SLC15A5: variants seen among roughly 807,000 people sequenced by gnomAD.
SLC15A5 encodes solute carrier family 15 member 5, also known as Peptide/histidine transporter ENSP00000340402.
A neutral mutation model predicts 56.1 loss-of-function variants in SLC15A5; 58 were observed. The observed-to-expected ratio is 1.03, with a 90% CI of 0.84 to 1.29. SLC15A5 has a LOEUF of 1.29. Among genes scored for constraint, SLC15A5 ranks in the 50% most tolerant of loss-of-function variants. The probability of loss-of-function intolerance (pLI) is 0.00; values close to 1 mark genes in which losing one functional copy is unlikely to be tolerated. For synonymous variants in SLC15A5, 264 were observed against 250.5 expected, an observed-to-expected ratio of 1.05 and a Z score of -0.51; for missense variants, 681 against 672.1, an observed-to-expected ratio of 1.01 and a Z score of -0.15.
intron 8 of SLC15A5, 75 bp from the exon 9 acceptor site, chr12:16,189,890 C>T (rs916406792): frequency 2.2e-5 from 25 of 1,144,640 alleles, no homozygotes; most frequent in Admixed American, 2.1e-4. Flanking sequence ...TTCCCTCCTG[C>T]GCTTGTCTAC....
chr12:16,219,581 C>T (rs1470912189), intron 6 of SLC15A5, among the ~76,000 whole-genome samples: 1 of 152,122 alleles, frequency 6.6e-6, no homozygotes, highest in Non-Finnish European at 1.5e-5. Flanking sequence ...AATTCATGAA[C>T]ACACTTTGCC....
In SLC15A5 at chr12:16,235,707, A is replaced by G. The variant is rs1591650853; in HGVS notation, c.1162+3974T>C. Among the ~76,000 whole-genome samples the G allele has an allele frequency of 6.6e-6, 1 of 152,142 alleles. No individual in the cohort carries two copies. The highest frequency in any genetic ancestry group is 2.1e-4 in the South Asian group (1 of 4,830). On this transcript the variant is annotated intron_variant, in intron 5 of 8. Coordinates refer to ENST00000344941, the MANE Select transcript of SLC15A5 (RefSeq NM_001170798.1). This position sits in a 1 kb window ranked among gnomAD's most constrained non-coding sequence, Gnocchi z 4.1. ...AAGTATTTTACAATGGGTACATACC[A>G]TGATGTTTCTTGGGAAAATATATCA...
chr12:16,257,798 G>C lies in SLC15A5; in HGVS notation c.657C>G (p.Ala219=). Residue 219 remains alanine, a synonymous_variant, in exon 3 of 9, where the codon GCC becomes GCG. Transcript: ENST00000344941. ...AAGGAATAAGTAAAACAAGGGCCCA[G>C]GCCTGTGAGTGCTGGATGTAAGATA... ...LGISYIQHSQ[A]WALVLLIPFM... 1 of 1,530,218 alleles carries C rather than the reference G, an allele frequency of 6.5e-7. No individual in the cohort carries two copies. Among genetic ancestry groups the C allele is most frequent in the Non-Finnish European group, 8.7e-7 (1 of 1,144,352 alleles). The allele number at this position is 1,530,218 out of a possible 1,614,324, so 94.8% of individuals were successfully genotyped here.
chr12:16,199,289 A>T (rs1434850180), intron 7 of SLC15A5, among the ~76,000 whole-genome samples: 9 of 126,046 alleles, frequency 7.1e-5, no homozygotes. Context: ...TGTCAGTCTC[A>T]TGTGTAGACT....
intron 6 of SLC15A5, among the ~76,000 whole-genome samples, chr12:16,223,849 TG>T (rs1864212703): frequency 6.6e-6 from 1 of 151,910 alleles, no homozygotes; most frequent in Non-Finnish European, 1.5e-5. Flanking sequence ...CTTGAGTAGC[TG>T]GGACTACAGG....
At chr12:16,268,574 A>C (rs985019435) in intron 2 of SLC15A5, among the ~76,000 whole-genome samples, 5 of 152,204 alleles carry the variant, frequency 3.3e-5, no homozygotes, top group African/African-American at 1.2e-4. Context: ...TTACGATTGA[A>C]GAGTATATGT....
intron 7 of SLC15A5, among the ~76,000 whole-genome samples, chr12:16,215,202 C>CA (rs33944569): frequency 0.085 from 1,022 of 12,002 alleles, 131 homozygotes; most frequent in Admixed American, 0.14. Context: ...GACTCTTTCT[C>CA]AAAAAAAAAA....
intron 5 of SLC15A5, among the ~76,000 whole-genome samples, chr12:16,232,892 A>T (rs965136192): frequency 1.3e-5 from 2 of 150,192 alleles, no homozygotes; most frequent in African/African-American, 4.9e-5. Context: ...CTTTAGCCTG[A>T]GCTACAGAGC....
At position 16,237,264 on chromosome 12, in the gene SLC15A5, A is replaced by T. The variant is rs1437449620; in HGVS notation, c.1162+2417T>A. Among the ~76,000 whole-genome samples, 2 of 152,328 alleles carry T rather than the reference A, an allele frequency of 1.3e-5. No homozygotes were observed. The highest frequency in any genetic ancestry group is 3.4e-3 in the Middle Eastern group (1 of 294). ...TCATAACCAGAATATGGAAAACTTA[A>T]GCAAATATCTAGTTTAAAAGACGCA... On this transcript the variant is annotated intron_variant, in intron 5 of 8. Transcript: ENST00000344941. This position sits in a 1 kb window ranked among gnomAD's most constrained non-coding sequence, Gnocchi z 4.1.
intron 7 of SLC15A5, among the ~76,000 whole-genome samples, chr12:16,204,063 A>G (rs1286005816): frequency 6.6e-6 from 1 of 152,226 alleles, no homozygotes; most frequent in African/African-American, 2.4e-5. Context: ...TATTAAATTT[A>G]AAAAGTATGT....
In SLC15A5 at chr12:16,189,936, T is replaced by C. The variant is rs940380838; in HGVS notation, c.1593-121A>G. 1.5e-5 allele frequency: 11 copies of C among 715,288 alleles called. No homozygotes were observed. In the East Asian group the frequency reaches 2.6e-4, roughly 17 times the overall value. The allele number at this position is 715,288 out of a possible 1,614,324, so 44.3% of individuals were successfully genotyped here. ...GGGCTCATAGATACTGGCACAACAG[T>C]GACGATTATTTAAGAGCACTGCTCA... On this transcript the variant is annotated intron_variant, in intron 8 of 8. Transcript: ENST00000344941.
intron 3 of SLC15A5, among the ~76,000 whole-genome samples, chr12:16,256,776 G>A (rs993326338): frequency 6.6e-6 from 1 of 151,782 alleles, no homozygotes; most frequent in Non-Finnish European, 1.5e-5. Context: ...GGTGAATGGC[G>A]TGAACCTGGG....
At chr12:16,253,775 A>C (rs1374218562) in intron 3 of SLC15A5, among the ~76,000 whole-genome samples, 1 of 152,112 alleles carries the variant, frequency 6.6e-6, no homozygotes. Context: ...GATCAGAAAA[A>C]TACTGCGTTG....
chr12:16,229,048 T>A (rs1415204919), intron 5 of SLC15A5, among the ~76,000 whole-genome samples: 1 of 152,196 alleles, frequency 6.6e-6, no homozygotes, highest in Non-Finnish European at 1.5e-5. Context: ...CATTCTCATT[T>A]TTAACTCAGA....
chr12:16,197,359 A>C (rs1363878598), intron 7 of SLC15A5, among the ~76,000 whole-genome samples: 1 of 152,116 alleles, frequency 6.6e-6, no homozygotes, highest in Non-Finnish European at 1.5e-5. Flanking sequence ...TCTTCAGGAC[A>C]CCTAAAGTTT....
intron 4 of SLC15A5, among the ~76,000 whole-genome samples, chr12:16,242,759 G>T (rs1864424838): frequency 6.6e-6 from 1 of 152,186 alleles, no homozygotes; most frequent in South Asian, 2.1e-4. Context: ...AGAAATGTCA[G>T]GTGTCATTGC....
rs973201186 is a variant in SLC15A5 at position 16,230,779 on chromosome 12, C to T, written c.1163-6177G>A. On this transcript the variant is annotated intron_variant, in intron 5 of 8. Transcript: ENST00000344941. ...ATACAAAAAAAAAAAAAAAAATAGC[C>T]GGGCGTGGTGGTGGGCACCTGTAGT... Among the ~76,000 whole-genome samples, 219 of 147,968 alleles carry T rather than the reference C, an allele frequency of 1.5e-3. 1 individual carries two copies. The highest frequency in any genetic ancestry group is 5.1e-3 in the African/African-American group (205 of 40,236).
chr12:16,275,333 G>C (rs570088598), intron 1 of SLC15A5, among the ~76,000 whole-genome samples: 1 of 152,192 alleles, frequency 6.6e-6, no homozygotes, highest in East Asian at 1.9e-4. Context: ...GGTTGGGGTT[G>C]CGTGTTGAAC....
intron 7 of SLC15A5, among the ~76,000 whole-genome samples, chr12:16,209,973 A>C (rs1864062868): frequency 6.6e-6 from 1 of 152,158 alleles, no homozygotes; most frequent in South Asian, 2.1e-4. Flanking sequence ...ATTCAAGTAA[A>C]AGTAAAATCC....
Sources: gnomAD v4.1 joint callset for allele counts (sites outside exome capture counted in the v4.1 genomes callset) on GRCh38, gnomAD v4.1.1 for gene constraint, Gnocchi (gnomAD v3.1) non-coding constraint, MANE v1.5 for transcripts, NCBI Gene and HGNC (gene_info 2026-07-23, HGNC 2026-07-21) for gene names.